Variants in DIABLO observed in about 807,000 individuals in gnomAD.
The protein encoded by DIABLO is diablo IAP-binding mitochondrial protein.
A neutral mutation model predicts 31.7 loss-of-function variants in DIABLO; 32 were observed. The ratio of observed to expected loss-of-function variants is 1.01; its 90% confidence interval spans 0.76 to 1.35. The LOEUF (loss-of-function observed/expected upper bound fraction) is 1.35, where lower values mean the gene tolerates loss of function less well. Among genes scored for constraint, DIABLO ranks in the 40% most tolerant of loss-of-function variants. DIABLO has a pLI of 0.00. For synonymous variants in DIABLO, 132 were observed against 103.2 expected (o/e 1.28, Z -1.69); for missense variants, 316 against 286.4 (o/e 1.10, Z -0.75).
In DIABLO at chr12:122,208,264, A is replaced by T. The variant is rs1372430913; in HGVS notation, c.*117T>A. On this transcript the variant is annotated 3_prime_UTR_variant, in exon 6 of 6. Transcript: ENST00000464942. ...ACAAAGGCGTCTCGCCTGATTGGCC[A>T]GGGCAGGATCTGCCGCCTCTTCTCG... is the stretch of plus-strand genomic sequence containing the variant. 1 of 1,245,410 alleles carries T rather than the reference A, an allele frequency of 8.0e-7. No homozygotes were observed. The highest frequency in any genetic ancestry group is 1.2e-5 in the South Asian group (1 of 81,612). 77.1% of individuals were successfully genotyped at this position (1,245,410 alleles called of 1,614,324 possible).
chr12:122,220,995 G>A (rs1345441577), intron 2 of DIABLO: 1 of 152,100 alleles, frequency 6.6e-6, no homozygotes, highest in Non-Finnish European at 1.5e-5. Flanking sequence ...TTATTTACAA[G>A]CAATGACATG....
chr12:122,213,060 A>C (rs1440008384), intron 5 of DIABLO, among the ~76,000 whole-genome samples: 3 of 152,142 alleles, frequency 2.0e-5, no homozygotes, highest in Non-Finnish European at 1.5e-5. Flanking sequence ...AGCTGGGACT[A>C]CAGGCGCCCA....
chr12:122,222,156 T>C (rs1445057811), intron 2 of DIABLO: 2 of 152,186 alleles, frequency 1.3e-5, no homozygotes, highest in Non-Finnish European at 2.9e-5. Flanking sequence ...AGTGCCACTT[T>C]TATATCAACT....
chr12:122,226,093 C>G, upstream of DIABLO: 1 of 1,541,434 alleles, frequency 6.5e-7, no homozygotes, highest in Non-Finnish European at 8.7e-7. Flanking sequence ...CGGCCTCCAC[C>G]TGAGAGCGCC....
intron 1 of DIABLO, chr12:122,225,121 G>A (rs551890698): frequency 1.3e-5 from 4 of 318,684 alleles, no homozygotes; most frequent in South Asian, 1.1e-4. Context: ...GCTGAGGCAG[G>A]AGAATCGCTT....
intron 2 of DIABLO, chr12:122,222,593 T>TAAAAAAAAAA (rs1566028336): frequency 5.2e-4 from 47 of 89,830 alleles, no homozygotes; most frequent in African/African-American, 1.4e-3. Flanking sequence ...AAAAAAAAAT[T>TAAAAAAAAAA]TTTGGAATCT....
upstream of DIABLO, chr12:122,226,716 C>G (rs893069417): frequency 3.5e-6 from 2 of 579,644 alleles, no homozygotes; most frequent in African/African-American, 3.9e-5. Flanking sequence ...GCCTCCTGGA[C>G]GCTCGCTTCT....
chr12:122,226,271 T>A, upstream of DIABLO: 1 of 691,958 alleles, frequency 1.4e-6, no homozygotes, highest in Non-Finnish European at 2.6e-6. Flanking sequence ...CGGAGGTGGG[T>A]CCGGCGCGGA....
chr12:122,224,715 G>C (rs757557084), intron 1 of DIABLO, 71 bp from the exon 2 acceptor site: 3 of 1,613,370 alleles, frequency 1.9e-6, no homozygotes, highest in Admixed American at 1.7e-5. Context: ...TTACTTGCAG[G>C]GGCTGTAAAC....
Position 122,212,158 on chromosome 12 carries a change from C to T in DIABLO, c.524-3581G>A, listed in dbSNP as rs185168029. ...GCCCAATTTTGTATTTTCTAATTGA[C>T]GGGTTTTCTTTTTAAACCTTTCCTG... On this transcript the variant is annotated intron_variant, in intron 5 of 5. Transcript: ENST00000464942. Among the ~76,000 whole-genome samples, 229 of 152,088 alleles carry T rather than the reference C, an allele frequency of 1.5e-3. 1 individual carries two copies. The highest frequency in any genetic ancestry group is 5.1e-3 in the African/African-American group (212 of 41,514).
Position 122,208,392 on chromosome 12 carries a change from G to A in DIABLO, c.709C>T (p.Arg237Cys), listed in dbSNP as rs373789053. ...RAESEQEAYLRED is the reference protein window; with the variant it reads ...RAESEQEAYLCED ...GTGTGCTCAGGCCCTCAATCCTCAC[G>A]CAGGTAGGCCTCCTGCTCCGACTCA... The change falls in exon 6 of 6, where the codon CGT (arginine) becomes TGT (cysteine). Residue 237 changes from arginine (R) to cysteine (C), a missense_variant. Arg to Cys is a radical substitution (Grantham distance 180). Transcript: ENST00000464942. 6.8e-6 allele frequency: 11 copies of A among 1,612,252 alleles called. No individual in the cohort carries two copies. Among genetic ancestry groups the A allele is most frequent in the East Asian group, 6.7e-5 (3 of 44,900 alleles).
At chr12:122,224,895 GC>G in intron 1 of DIABLO, 1 of 1,364,028 alleles carries the variant, frequency 7.3e-7, no homozygotes, top group Non-Finnish European at 9.6e-7. Flanking sequence ...GATCACTTGA[GC>G]CCAGGAGTTC....
chr12:122,226,444 G>A (rs969465139), upstream of DIABLO: 3 of 693,158 alleles, frequency 4.3e-6, no homozygotes, highest in Admixed American at 4.0e-5. Context: ...TTCAGCACCA[G>A]GAAGTAAGTG....
In DIABLO at chr12:122,218,306, G is replaced by C; in HGVS notation, c.275C>G (p.Thr92Ser). ...AATAGCTTCAATCAACGCATATGTG[G>C]TCTGAGAGAGAAAGGTAGAGGTGCT... ...TDSTSTFLSQ[T>S]TYALIEAITE... is the part of the protein sequence containing the mutation. Residue 92 changes from threonine (T) to serine (S), a missense_variant, in exon 3 of 6, where the codon ACC becomes AGC. Coordinates refer to ENST00000464942, the MANE Select transcript of DIABLO (RefSeq NM_001371333.1). 2 of 1,614,100 alleles carry C rather than the reference G, an allele frequency of 1.2e-6. No individual in the cohort carries two copies.
At chr12:122,227,243 C>T (rs1954496884), upstream of DIABLO, 1 of 392,420 alleles carries the variant, frequency 2.5e-6, no homozygotes, top group African/African-American at 2.1e-5. Context: ...ACAGTAAGAA[C>T]CCCACACCAG....
intron 1 of DIABLO, chr12:122,225,397 A>G (rs1954435331): frequency 1.0e-6 from 1 of 993,448 alleles, no homozygotes. Context: ...AAAAAAATTA[A>G]AATAAAATAA....
At chr12:122,223,215 G>T (rs1168457804) in intron 2 of DIABLO, among the ~76,000 whole-genome samples, 1 of 150,698 alleles carries the variant, frequency 6.6e-6, no homozygotes, top group Non-Finnish European at 1.5e-5. Context: ...CGTGTGGATC[G>T]CCTGAGGTCA....
chr12:122,214,433 A>G (rs1345499191), intron 5 of DIABLO, among the ~76,000 whole-genome samples: 2 of 152,126 alleles, frequency 1.3e-5, no homozygotes, highest in South Asian at 2.1e-4. Flanking sequence ...TAATATAACA[A>G]TTTCTTTTTT....
At chr12:122,219,040 C>T (rs1417234946) in intron 2 of DIABLO, among the ~76,000 whole-genome samples, 1 of 151,588 alleles carries the variant, frequency 6.6e-6, no homozygotes, top group African/African-American at 2.4e-5. Flanking sequence ...TGAGACGATC[C>T]TGGCCAACAT....
Sources: gnomAD v4.1 joint callset for allele counts (sites outside exome capture counted in the v4.1 genomes callset) on GRCh38, gnomAD v4.1.1 for gene constraint, MANE v1.5 for transcripts, NCBI Gene and HGNC (gene_info 2026-07-23, HGNC 2026-07-21) for gene names.